RMST: variants seen among roughly 807,000 people sequenced by gnomAD.
The protein encoded by RMST is rhabdomyosarcoma 2 associated transcript, also known as long intergenic non-protein coding RNA 54.
intron 5 of RMST, among the ~76,000 whole-genome samples, chr12:97,481,778 T>G (rs994283584): frequency 1.6e-4 from 25 of 152,334 alleles, no homozygotes; most frequent in Middle Eastern, 3.4e-3. Flanking sequence ...AGATTCTTTT[T>G]AGAATAAAGT....
chr12:97,513,920 G>T (rs1455940682), intron 10 of RMST, among the ~76,000 whole-genome samples: 2 of 152,126 alleles, frequency 1.3e-5, no homozygotes, highest in African/African-American at 4.8e-5. Context: ...CTGCCTCAAA[G>T]GAAAGGCAAC....
intron 13 of RMST, among the ~76,000 whole-genome samples, chr12:97,561,628 G>A (rs914260121): frequency 5.5e-5 from 6 of 108,720 alleles, no homozygotes; most frequent in African/African-American, 2.1e-4. Flanking sequence ...TAGTTTGAAG[G>A]CTTTTTTTTT....
At chr12:97,465,608 G>C (rs907509631) in intron 4 of RMST, 1 of 152,102 alleles carries the variant, frequency 6.6e-6, no homozygotes, top group Non-Finnish European at 1.5e-5. Flanking sequence ...TGAGATTGTG[G>C]CTTTGTAGTA....
chr12:97,506,616 A>G (rs1026676658), intron 10 of RMST, among the ~76,000 whole-genome samples: 1 of 152,062 alleles, frequency 6.6e-6, no homozygotes, highest in Non-Finnish European at 1.5e-5. Context: ...TGTCACCTAA[A>G]AAAGATGACA....
intron 11 of RMST, chr12:97,541,070 TTAAATA>T (rs1398565361): frequency 6.6e-6 from 1 of 151,548 alleles, no homozygotes; most frequent in Non-Finnish European, 1.5e-5. Context: ...AAGGACAAAA[TTAAATA>T]TCTGGCTTAC....
chr12:97,563,530 A>G (rs543169249), intron 13 of RMST: 1 of 307,592 alleles, frequency 3.3e-6, no homozygotes, highest in East Asian at 1.0e-4. Context: ...GTTCAATGTC[A>G]AAGTGATGAG....
intron 11 of RMST, among the ~76,000 whole-genome samples, chr12:97,554,048 G>A (rs1592796773): frequency 6.7e-6 from 1 of 149,170 alleles, no homozygotes; most frequent in African/African-American, 2.5e-5. Context: ...TCCGCCTCCC[G>A]GGTTCAAGCG....
chr12:97,485,285 C>T (rs1875953840), intron 5 of RMST, among the ~76,000 whole-genome samples: 1 of 152,112 alleles, frequency 6.6e-6, no homozygotes. Flanking sequence ...TACAATAAGA[C>T]AATGAAATGC....
intron 10 of RMST, among the ~76,000 whole-genome samples, chr12:97,503,570 A>C (rs1376725197): frequency 6.6e-6 from 1 of 152,190 alleles, no homozygotes; most frequent in African/African-American, 2.4e-5. Flanking sequence ...CAGACAAAAA[A>C]GATAATGTTT....
chr12:97,488,074 G>T (rs189072074), intron 5 of RMST, among the ~76,000 whole-genome samples: 62 of 152,296 alleles, frequency 4.1e-4, no homozygotes, highest in African/African-American at 1.2e-3. Context: ...ACTGATGATA[G>T]CTATCCCATT....
At chr12:97,511,955 G>C (rs1879354904) in intron 10 of RMST, among the ~76,000 whole-genome samples, 1 of 152,164 alleles carries the variant, frequency 6.6e-6, no homozygotes, top group South Asian at 2.1e-4. Context: ...GTCCGGAATT[G>C]GTGAGTTCTT....
intron 5 of RMST, among the ~76,000 whole-genome samples, chr12:97,481,767 C>T (rs750751370): frequency 1.3e-5 from 2 of 152,072 alleles, no homozygotes; most frequent in Non-Finnish European, 2.9e-5. Context: ...ATGTTTTGGC[C>T]AGATTCTTTT....
chr12:97,508,217 C>A (rs1878903827), intron 10 of RMST, among the ~76,000 whole-genome samples: 1 of 151,912 alleles, frequency 6.6e-6, no homozygotes, highest in Admixed American at 6.6e-5. Context: ...AGTAGTATGA[C>A]CAAAGTAAGG....
intron 5 of RMST, among the ~76,000 whole-genome samples, chr12:97,491,125 G>T (rs1294687445): frequency 6.6e-6 from 1 of 152,164 alleles, no homozygotes; most frequent in Non-Finnish European, 1.5e-5. Flanking sequence ...GAATCGAAAT[G>T]CATGCACTCT....
intron 11 of RMST, among the ~76,000 whole-genome samples, chr12:97,544,919 T>C (rs1882822721): frequency 6.6e-6 from 1 of 152,070 alleles, no homozygotes; most frequent in South Asian, 2.1e-4. Context: ...TCATGCAAAA[T>C]GCTTAGCAGT....
chr12:97,473,253 TA>T (rs1167538698), intron 5 of RMST, among the ~76,000 whole-genome samples: 2 of 152,292 alleles, frequency 1.3e-5, no homozygotes, highest in African/African-American at 4.8e-5. Flanking sequence ...AGCAAAAACA[TA>T]AGGCTTTCAT....
At chr12:97,545,577 C>T (rs1882868542) in intron 11 of RMST, among the ~76,000 whole-genome samples, 1 of 152,054 alleles carries the variant, frequency 6.6e-6, no homozygotes, top group Admixed American at 6.6e-5. Flanking sequence ...CTTCTATCAC[C>T]TTCAGTTAGC....
At chr12:97,516,934 G>T (rs1490471580) in intron 10 of RMST, among the ~76,000 whole-genome samples, 2 of 151,950 alleles carry the variant, frequency 1.3e-5, no homozygotes, top group African/African-American at 4.8e-5. Flanking sequence ...TCTATGGGAA[G>T]TAAATACCTA....
chr12:97,546,377 T>C (rs1417771684), intron 11 of RMST, among the ~76,000 whole-genome samples: 1 of 151,846 alleles, frequency 6.6e-6, no homozygotes, highest in Non-Finnish European at 1.5e-5. Context: ...AGGTCAGGAG[T>C]TTGAGACCAG....
Sources: gnomAD v4.1 joint callset for allele counts (sites outside exome capture counted in the v4.1 genomes callset) on GRCh38, gnomAD v4.1.1 for gene constraint, MANE v1.5 for transcripts, NCBI Gene and HGNC (gene_info 2026-07-23, HGNC 2026-07-21) for gene names.